The following NFIA variants were observed in gnomAD, a reference collection of about 807,000 sequenced individuals.
NFIA encodes nuclear factor I A, also known as nuclear factor 1 A-type.
NFIA carries 8 observed loss-of-function variants against 62.8 expected under a neutral mutation model. The observed-to-expected ratio is 0.13, with a 90% CI of 0.07 to 0.23. NFIA has a LOEUF of 0.23. NFIA is among the 10% of genes least tolerant of loss of function. NFIA has a pLI of 1.00. For missense variants in NFIA, 410 were observed against 642.1 expected (o/e 0.64, Z 3.91); for synonymous variants, 235 against 238.1 (o/e 0.99, Z 0.12).
At position 61,101,274 on chromosome 1, in the gene NFIA, G is replaced by A. The variant is rs529911780; in HGVS notation, c.559+12594G>A. On this transcript the variant is annotated intron_variant, in intron 2 of 10. Coordinates refer to ENST00000403491, the MANE Select transcript of NFIA (RefSeq NM_001134673.4). ...GCCGGGTGTGGTGGTGCATGCCTGC[G>A]ATCCCAGCTACTCGGGAGGCCGAGG... Among the ~76,000 whole-genome samples the A allele has an allele frequency of 5.9e-4, 89 of 151,500 alleles. 1 individual carries two copies. Among genetic ancestry groups the A allele is most frequent in the African/African-American group, 2.1e-3 (85 of 41,314 alleles).
At chr1:61,406,863 C>G in intron 9 of NFIA, 136 bp downstream of exon 9, 1 of 1,069,090 alleles carries the variant, frequency 9.4e-7, no homozygotes, top group Non-Finnish European at 1.3e-6. Context: ...ATGAGTTTGC[C>G]AGACCGAGAA....
chr1:61,340,609 C>T (rs954151638), intron 4 of NFIA, among the ~76,000 whole-genome samples: 1 of 152,178 alleles, frequency 6.6e-6, no homozygotes, highest in South Asian at 2.1e-4. Flanking sequence ...ATAACCACCA[C>T]GATTATTGAA....
intron 2 of NFIA, among the ~76,000 whole-genome samples, chr1:61,214,775 T>A (rs1653503262): frequency 6.6e-6 from 1 of 152,214 alleles, no homozygotes. Flanking sequence ...TATAGGAGAA[T>A]TGAAGATGTT....
At chr1:61,253,213 G>A (rs561033548) in intron 2 of NFIA, among the ~76,000 whole-genome samples, 1 of 152,304 alleles carries the variant, frequency 6.6e-6, no homozygotes, top group South Asian at 2.1e-4. Context: ...GCAGATGACA[G>A]TAATCCAGGC....
chr1:61,083,316 G>A (rs1280580407), intron 1 of NFIA, among the ~76,000 whole-genome samples: 6 of 152,148 alleles, frequency 3.9e-5, no homozygotes, highest in African/African-American at 1.2e-4. Flanking sequence ...GTCCTCGGGT[G>A]CGGGGAGACC....
chr1:61,263,320 C>T (rs1656888617), intron 2 of NFIA, among the ~76,000 whole-genome samples: 1 of 152,050 alleles, frequency 6.6e-6, no homozygotes, highest in South Asian at 2.1e-4. Flanking sequence ...CACTCACAGC[C>T]ACAGGTTAGT....
At chr1:61,248,593 A>C (rs1361655548) in intron 2 of NFIA, among the ~76,000 whole-genome samples, 8 of 152,196 alleles carry the variant, frequency 5.3e-5, no homozygotes, top group Admixed American at 6.5e-5. Context: ...GAGACAATTA[A>C]TGAAGGGGAT....
chr1:61,458,211 G>GAAAAAAAAA lies in NFIA; in HGVS notation c.*2894_*2902dup, dbSNP rs60042926. On this transcript the variant is annotated 3_prime_UTR_variant, in exon 11 of 11. Coordinates refer to ENST00000403491, the MANE Select transcript of NFIA (RefSeq NM_001134673.4). ...TAAAAAATGAAAAAAAGGAAAAAAA[G>GAAAAAAAAA]AAAAAAAAAAAGAAAAAATAGCAGC... 8 of 134,568 alleles carry GAAAAAAAAA rather than the reference G, an allele frequency of 5.9e-5. No homozygotes were observed. The highest frequency in any genetic ancestry group is 7.4e-5 in the Admixed American group (1 of 13,468). The allele number at this position is 134,568 out of a possible 1,614,324, so 8.3% of individuals were successfully genotyped here.
chr1:61,402,045 T>C (rs930968252), intron 7 of NFIA, among the ~76,000 whole-genome samples: 5 of 142,482 alleles, frequency 3.5e-5, no homozygotes, highest in Non-Finnish European at 7.6e-5. Context: ...TTTTTTTTTT[T>C]TTTTTTTTTT....
intron 9 of NFIA, among the ~76,000 whole-genome samples, chr1:61,419,616 C>T (rs951685926): frequency 6.6e-6 from 1 of 152,134 alleles, no homozygotes; most frequent in Non-Finnish European, 1.5e-5. Flanking sequence ...ATACTTTTTA[C>T]CCCAAATTCT....
At chr1:61,134,245 AGT>A (rs61677972) in intron 2 of NFIA, among the ~76,000 whole-genome samples, 2,447 of 146,378 alleles carry the variant, frequency 0.017, 26 homozygotes, top group African/African-American at 0.023. Flanking sequence ...TGTGTGTGTG[AGT>A]GTGTGTGTGT....
intron 2 of NFIA, among the ~76,000 whole-genome samples, chr1:61,269,456 C>A (rs1657380423): frequency 6.6e-6 from 1 of 152,142 alleles, no homozygotes; most frequent in South Asian, 2.1e-4. Context: ...AAATCCAATG[C>A]CTGTACAAAA....
At chr1:61,133,494 G>A (rs374305588) in intron 2 of NFIA, among the ~76,000 whole-genome samples, 4 of 152,124 alleles carry the variant, frequency 2.6e-5, no homozygotes, top group African/African-American at 9.7e-5. Context: ...TGTTTTCCCA[G>A]TGTCTAGAAC....
intron 2 of NFIA, among the ~76,000 whole-genome samples, chr1:61,234,654 T>C (rs1654884271): frequency 6.6e-6 from 1 of 152,132 alleles, no homozygotes; most frequent in Non-Finnish European, 1.5e-5. Flanking sequence ...GATGCAGTAT[T>C]TAACTACTTT....
intron 1 of NFIA, among the ~76,000 whole-genome samples, chr1:61,083,398 T>G (rs1646155157): frequency 6.6e-6 from 1 of 152,032 alleles, no homozygotes. Context: ...CTTCCCGAAC[T>G]CTTACTTTTG....
intron 7 of NFIA, among the ~76,000 whole-genome samples, chr1:61,402,033 C>CTTTTTTTTTTTTTTT (rs10636290): frequency 4.2e-5 from 4 of 94,568 alleles, no homozygotes; most frequent in African/African-American, 1.6e-4. Context: ...ACTCATTTTT[C>CTTTTTTTTTTTTTTT]TTTTTTTTTT....
At chr1:61,097,449 A>T (rs372332865) in intron 2 of NFIA, among the ~76,000 whole-genome samples, 1 of 152,154 alleles carries the variant, frequency 6.6e-6, no homozygotes, top group Non-Finnish European at 1.5e-5. Context: ...CTTTGTTGCT[A>T]TGGTTTGGTT....
chr1:61,113,617 G>A (rs199824712), intron 2 of NFIA, among the ~76,000 whole-genome samples: 237 of 87,584 alleles, frequency 2.7e-3, no homozygotes, highest in Middle Eastern at 0.013. Flanking sequence ...AAAAAAAAAA[G>A]AGAATATGTT....
intron 2 of NFIA, among the ~76,000 whole-genome samples, chr1:61,116,633 G>A (rs1003544242): frequency 6.6e-5 from 10 of 152,286 alleles, no homozygotes; most frequent in Admixed American, 5.2e-4. Context: ...GTGAATTGCC[G>A]TATAGTCATC....
Sources: allele counts gnomAD v4.1 joint callset (sites outside exome capture counted in the v4.1 genomes callset), GRCh38; gene constraint gnomAD v4.1.1; transcripts MANE v1.5; gene names NCBI Gene and HGNC (gene_info 2026-07-23, HGNC 2026-07-21).